ZMYND8: variants seen among roughly 807,000 people sequenced by gnomAD.
ZMYND8 encodes zinc finger MYND-type containing 8, also known as MYND-type zinc finger-containing chromatin reader ZMYND8.
ZMYND8 carries 37 observed loss-of-function variants against 140.8 expected under a neutral mutation model. That is an observed-to-expected ratio of 0.26 (90% CI 0.20 to 0.35). ZMYND8 has a LOEUF of 0.35. Among genes scored for constraint, ZMYND8 ranks in the 10% least tolerant of loss-of-function variants. The probability of loss-of-function intolerance (pLI) is 1.00; values close to 1 mark genes in which losing one functional copy is unlikely to be tolerated. For missense variants in ZMYND8, 1,068 were observed against 1,570.0 expected (o/e 0.68, Z 5.40); for synonymous variants, 592 against 597.1 (o/e 0.99, Z 0.12).
In ZMYND8 at chr20:47,231,821, G is replaced by C. The variant is rs116136473; in HGVS notation, c.2857-2015C>G. ...TGGCTTTACAAGAAAACTTTAAAAA[G>C]TGGGTGAAATTCAATACATTGCTAA... On this transcript the variant is annotated intron_variant, in intron 16 of 22. Transcript: ENST00000471951. 2.7e-3 allele frequency among the ~76,000 whole-genome samples: 416 copies of C among 152,312 alleles called. 3 individuals are homozygous for C. The highest frequency in any genetic ancestry group is 9.6e-3 in the African/African-American group (400 of 41,560).
At chr20:47,330,494 A>G (rs1055569051) in intron 2 of ZMYND8, among the ~76,000 whole-genome samples, 1 of 151,306 alleles carries the variant, frequency 6.6e-6, no homozygotes, top group Non-Finnish European at 1.5e-5. Context: ...GTGAGACACC[A>G]TGCCCTTAAG....
At chr20:47,274,071 AGG>A (rs2076116241) in intron 11 of ZMYND8, among the ~76,000 whole-genome samples, 1 of 89,326 alleles carries the variant, frequency 1.1e-5, no homozygotes, top group South Asian at 3.6e-4. Flanking sequence ...TCAAAGAATG[AGG>A]TATATTTTTC....
chr20:47,338,548 CAT>C (rs2081570733), intron 2 of ZMYND8, among the ~76,000 whole-genome samples: 1 of 152,086 alleles, frequency 6.6e-6, no homozygotes, highest in Non-Finnish European at 1.5e-5. Flanking sequence ...ATATTTTCAC[CAT>C]GCAGACTTCA....
intron 2 of ZMYND8, among the ~76,000 whole-genome samples, chr20:47,322,177 A>G (rs185556004): frequency 7.6e-4 from 116 of 152,080 alleles, no homozygotes; most frequent in African/African-American, 2.6e-3. Context: ...TTTCATTGAT[A>G]AGGTAATGAA....
intron 21 of ZMYND8, among the ~76,000 whole-genome samples, chr20:47,219,619 G>A (rs934955155): frequency 6.6e-6 from 1 of 151,854 alleles, no homozygotes; most frequent in African/African-American, 2.4e-5. Flanking sequence ...CCACCAGGAA[G>A]ACACCTTCTC....
chr20:47,223,332 C>T (rs2037249433), intron 19 of ZMYND8, among the ~76,000 whole-genome samples: 1 of 151,678 alleles, frequency 6.6e-6, no homozygotes, highest in Admixed American at 6.6e-5. Context: ...ATGGTGAAAC[C>T]CTGTCTCTAC....
intron 1 of ZMYND8, chr20:47,348,869 A>C (rs966985651): frequency 6.6e-6 from 1 of 152,242 alleles, no homozygotes; most frequent in Non-Finnish European, 1.5e-5. Context: ...AGAACTTTCC[A>C]AACATTCAGG....
rs760644568 is a variant in ZMYND8 at position 47,249,267 on chromosome 20, A to T, written c.1774+20T>A. 1 of 1,603,586 alleles carries T rather than the reference A, an allele frequency of 6.2e-7. No homozygotes were observed. Among genetic ancestry groups the T allele is most frequent in the African/African-American group, 1.3e-5 (1 of 74,316 alleles). On this transcript the variant is annotated intron_variant, in intron 13 of 22. Coordinates refer to ENST00000471951, the MANE Select transcript of ZMYND8 (RefSeq NM_001281775.3). ...TAACAATGATACTGCTGGAAAAAAA[A>T]AACAAAACCAAAGGTATACCTAATT...
intron 12 of ZMYND8, 147 bp from the exon 13 acceptor site, chr20:47,249,586 A>C: frequency 8.8e-7 from 1 of 1,135,498 alleles, no homozygotes; most frequent in Non-Finnish European, 1.2e-6. Flanking sequence ...CAACAATATC[A>C]TCTGCTCAAC....
chr20:47,280,593 G>A (rs1259574116), intron 10 of ZMYND8, among the ~76,000 whole-genome samples: 1 of 152,176 alleles, frequency 6.6e-6, no homozygotes, highest in East Asian at 1.9e-4. Context: ...AATATTGGGT[G>A]CAAGGGGGTA....
At chr20:47,253,776 G>A (rs1433007097) in intron 12 of ZMYND8, among the ~76,000 whole-genome samples, 1 of 152,184 alleles carries the variant, frequency 6.6e-6, no homozygotes, top group Non-Finnish European at 1.5e-5. Flanking sequence ...GTGTCTACAC[G>A]TATGGCTACA....
chr20:47,354,668 A>G (rs2083073815), intron 1 of ZMYND8: 1 of 152,192 alleles, frequency 6.6e-6, no homozygotes, highest in Non-Finnish European at 1.5e-5. Flanking sequence ...AAGAAAAAAG[A>G]TTACTGACTC....
intron 10 of ZMYND8, among the ~76,000 whole-genome samples, 171 bp downstream of exon 10, chr20:47,281,930 GC>G (rs1425225700): frequency 6.6e-6 from 1 of 152,026 alleles, no homozygotes; most frequent in Admixed American, 6.6e-5. Flanking sequence ...TGTAGCCCAC[GC>G]CATTACCAAG....
At chr20:47,258,714 T>C (rs1480466378) in intron 12 of ZMYND8, among the ~76,000 whole-genome samples, 1 of 152,064 alleles carries the variant, frequency 6.6e-6, no homozygotes, top group African/African-American at 2.4e-5. Flanking sequence ...GGGAAAGTCG[T>C]TCCACGGCTG....
chr20:47,294,875 A>C, intron 4 of ZMYND8, 96 bp from the exon 5 acceptor site: 1 of 1,155,208 alleles, frequency 8.7e-7, no homozygotes, highest in Non-Finnish European at 1.3e-6. Flanking sequence ...GACAGACAAA[A>C]AGCAATTCTC....
At chr20:47,224,578 A>G in intron 18 of ZMYND8, 22 bp from the exon 19 acceptor site, 1 of 1,610,098 alleles carries the variant, frequency 6.2e-7, no homozygotes, top group Non-Finnish European at 8.5e-7. Flanking sequence ...GGGGAAGAAC[A>G]CCGCTCATCA....
At chr20:47,356,541 T>G (rs1310609133) in intron 1 of ZMYND8, 116 bp downstream of exon 1, 28 of 1,612,586 alleles carry the variant, frequency 1.7e-5, no homozygotes, top group Non-Finnish European at 1.4e-5. Context: ...CAAGTTAACA[T>G]AAGTGCTCTG....
intron 16 of ZMYND8, among the ~76,000 whole-genome samples, chr20:47,232,594 T>C (rs979894281): frequency 6.6e-6 from 1 of 151,994 alleles, no homozygotes; most frequent in Non-Finnish European, 1.5e-5. Flanking sequence ...AAAATTAAAA[T>C]GGCTGCAGGA....
intron 2 of ZMYND8, among the ~76,000 whole-genome samples, chr20:47,334,750 C>T (rs2081261298): frequency 6.6e-6 from 1 of 151,732 alleles, no homozygotes; most frequent in African/African-American, 2.4e-5. Context: ...GCTGGGATTA[C>T]AGGCACACGC....
Sources: gnomAD v4.1 joint callset for allele counts (sites outside exome capture counted in the v4.1 genomes callset) on GRCh38, gnomAD v4.1.1 for gene constraint, MANE v1.5 for transcripts, NCBI Gene and HGNC (gene_info 2026-07-23, HGNC 2026-07-21) for gene names.